TSG101: variants seen among roughly 807,000 people sequenced by gnomAD.
TSG101 encodes the protein tumor susceptibility 101, also known as tumor susceptibility gene 101 protein.
In TSG101, 19 loss-of-function variants were observed where a neutral mutation model predicts 48.5. That is an observed-to-expected ratio of 0.39 (90% CI 0.27 to 0.58). The LOEUF is 0.58. Ranked by LOEUF, TSG101 falls within the 20% of genes least tolerant of loss-of-function variation. The pLI, the probability that TSG101 is intolerant of heterozygous loss-of-function variation, is 0.55. For synonymous variants in TSG101, 174 were observed against 169.4 expected (o/e 1.03, Z -0.21); for missense variants, 365 against 484.4 (o/e 0.75, Z 2.31).
intron 6 of TSG101, among the ~76,000 whole-genome samples, chr11:18,504,435 A>T (rs1171218757): frequency 6.6e-6 from 1 of 152,158 alleles, no homozygotes; most frequent in African/African-American, 2.4e-5. Flanking sequence ...GACAAAAAAA[A>T]AAGAAAGCAT....
chr11:18,506,912 G>C lies in TSG101; in HGVS notation c.493C>G (p.Pro165Ala), dbSNP rs1297423960. Residue 165 changes from proline (P) to alanine (A), a missense_variant, in exon 6 of 10, where the codon CCA becomes GCA. Physicochemically the swap from Pro to Ala is conservative, Grantham distance 27. Coordinates refer to ENST00000251968, the MANE Select transcript of TSG101 (RefSeq NM_006292.4). The stretch of plus-strand genomic sequence containing the variant: ...GGAGAGATTCCACCTGGCATGCCTG[G>C]CATGTAGGAAGCTAAAAACAATTTT... ...ATGPPNTSYM[P>A]GMPGGISPYP... 6.2e-7 allele frequency: 1 copy of C among 1,606,496 alleles called. No homozygotes were observed. Among genetic ancestry groups the C allele is most frequent in the East Asian group, 2.2e-5 (1 of 44,788 alleles).
rs191533868 is a variant in TSG101 at position 18,519,401 on chromosome 11, C to T, written c.127+118G>A. ...GCTACCCTCCAACAGTTTTATTAGG[C>T]GGTGGTGCAATCCCACAATTGAAAA... On this transcript the variant is annotated intron_variant, in intron 2 of 9. Transcript: ENST00000251968. 4.6e-4 allele frequency: 339 copies of T among 743,774 alleles called. 1 individual carries two copies. The African/African-American group carries it at 4.7e-3, about 10-fold the overall frequency. 46.1% of individuals were successfully genotyped at this position (743,774 alleles called of 1,614,324 possible).
chr11:18,526,530 G>T (rs1850377348), intron 1 of TSG101, among the ~76,000 whole-genome samples: 1 of 152,264 alleles, frequency 6.6e-6, no homozygotes, highest in Non-Finnish European at 1.5e-5. Context: ...GGCGGCAGGT[G>T]TCAGGTAGCC....
chr11:18,503,606 T>A lies in TSG101; in HGVS notation c.549-1029A>T, dbSNP rs991616611. Among the ~76,000 whole-genome samples the A allele has an allele frequency of 3.3e-5, 5 of 152,180 alleles. No homozygotes were observed. The East Asian group carries it at 9.7e-4, about 29-fold the overall frequency. ...CCAGGATGGTCTCAATCTCCTGACC[T>A]CGTGATTCACCCGCCTCAGCCTCCC... On this transcript the variant is annotated intron_variant, in intron 6 of 9. Coordinates refer to ENST00000251968, the MANE Select transcript of TSG101 (RefSeq NM_006292.4).
intron 1 of TSG101, among the ~76,000 whole-genome samples, chr11:18,521,670 CTT>C (rs869176661): frequency 0.026 from 1,701 of 66,450 alleles, 15 homozygotes; most frequent in East Asian, 0.14. Flanking sequence ...TGGCCCCTTC[CTT>C]TTTTTTTTTT....
rs1373529767 is a variant in TSG101 at position 18,514,748 on chromosome 11, G to A, written c.287C>T (p.Thr96Ile). Residue 96 changes from threonine to isoleucine, a missense_variant, in exon 4 of 10, where the codon ACT becomes ATT. Coordinates refer to ENST00000251968, the MANE Select transcript of TSG101 (RefSeq NM_006292.4). Reference protein sequence around the residue: ...ICFVKPTSSMTIKTGKHVDAN... With the variant: ...ICFVKPTSSMIIKTGKHVDAN... ...ATCAACATGCTTTCCTGTTTTAATAGTCATTGAACTAGTAGGCTTAACAAA... is the reference window on the plus strand; with the variant it reads ...ATCAACATGCTTTCCTGTTTTAATAATCATTGAACTAGTAGGCTTAACAAA... The A allele has an allele frequency of 1.3e-6, 2 of 1,596,308 alleles. No individual in the cohort carries two copies. The highest frequency in any genetic ancestry group is 1.7e-6 in the Non-Finnish European group (2 of 1,174,126).
intron 7 of TSG101, among the ~76,000 whole-genome samples, chr11:18,490,024 A>C (rs1450868788): frequency 6.6e-5 from 10 of 152,244 alleles, no homozygotes; most frequent in Non-Finnish European, 1.5e-4. Flanking sequence ...GTCAATGTTA[A>C]TCAAAATCAA....
intron 7 of TSG101, among the ~76,000 whole-genome samples, chr11:18,500,206 T>C (rs1220312579): frequency 6.6e-6 from 1 of 152,238 alleles, no homozygotes. Context: ...ACATACCTCA[T>C]TGTCTTTATC....
intron 4 of TSG101, among the ~76,000 whole-genome samples, chr11:18,514,285 G>A (rs1850134555): frequency 6.6e-6 from 1 of 152,036 alleles, no homozygotes; most frequent in African/African-American, 2.4e-5. Flanking sequence ...ACATTAATCT[G>A]TCACAGTTAC....
chr11:18,506,735 G>C lies in TSG101; in HGVS notation c.548+122C>G, dbSNP rs1053407793. 7 of 700,612 alleles carry C rather than the reference G, an allele frequency of 1.0e-5. No homozygotes were observed. The African/African-American group carries it at 1.3e-4, about 13-fold the overall frequency. The allele number at this position is 700,612 out of a possible 1,614,324, so 43.4% of individuals were successfully genotyped here. On this transcript the variant is annotated intron_variant, in intron 6 of 9. Coordinates refer to ENST00000251968, the MANE Select transcript of TSG101 (RefSeq NM_006292.4). ...TAAATAAATTCCAGGAATAAACCAA[G>C]TTTTATCTTCCACTAAATTGCAATT...
intron 7 of TSG101, among the ~76,000 whole-genome samples, chr11:18,495,885 C>G (rs991217220): frequency 1.3e-5 from 2 of 150,602 alleles, no homozygotes; most frequent in African/African-American, 4.9e-5. Flanking sequence ...GATTGCATCA[C>G]TGCACTCCAG....
At chr11:18,521,646 T>A (rs1375293434) in intron 1 of TSG101, among the ~76,000 whole-genome samples, 1 of 150,328 alleles carries the variant, frequency 6.7e-6, no homozygotes, top group Non-Finnish European at 1.5e-5. Flanking sequence ...ATTACAGGTA[T>A]GAACCACTGC....
chr11:18,503,057 A>G (rs1381963999), intron 6 of TSG101, among the ~76,000 whole-genome samples: 1 of 152,210 alleles, frequency 6.6e-6, no homozygotes, highest in African/African-American at 2.4e-5. Context: ...TAGTTTAAAA[A>G]AAAACCTTTT....
intron 7 of TSG101, among the ~76,000 whole-genome samples, chr11:18,488,415 A>G (rs1849651182): frequency 6.6e-6 from 1 of 152,188 alleles, no homozygotes; most frequent in African/African-American, 2.4e-5. Context: ...TGTCCACACA[A>G]CTTCCCTGAA....
chr11:18,518,764 T>C (rs1844950398), intron 2 of TSG101, among the ~76,000 whole-genome samples: 1 of 151,964 alleles, frequency 6.6e-6, no homozygotes, highest in South Asian at 2.1e-4. Flanking sequence ...TACAATATAT[T>C]CTTGCTCGTC....
chr11:18,481,037 G>A (rs182719830), intron 9 of TSG101, among the ~76,000 whole-genome samples: 18 of 152,250 alleles, frequency 1.2e-4, no homozygotes, highest in Admixed American at 9.8e-4. Flanking sequence ...GACCTGACCA[G>A]GCTCCAGCTA....
intron 4 of TSG101, among the ~76,000 whole-genome samples, chr11:18,512,969 C>T (rs1368139650): frequency 6.6e-6 from 1 of 151,992 alleles, no homozygotes; most frequent in Non-Finnish European, 1.5e-5. Context: ...CTCAAGTGAT[C>T]CTCCCGCCTC....
At chr11:18,512,446 T>A (rs1377611463) in intron 4 of TSG101, among the ~76,000 whole-genome samples, 1 of 152,172 alleles carries the variant, frequency 6.6e-6, no homozygotes, top group Admixed American at 6.5e-5. Flanking sequence ...TCCTCTATTT[T>A]CTTGAATGCA....
intron 7 of TSG101, among the ~76,000 whole-genome samples, chr11:18,488,776 CAGA>C (rs1849657761): frequency 6.6e-6 from 1 of 152,006 alleles, no homozygotes; most frequent in African/African-American, 2.4e-5. Context: ...AGGAAGGAAG[CAGA>C]AGGACAGAAA....
Sources: allele counts gnomAD v4.1 joint callset (sites outside exome capture counted in the v4.1 genomes callset), GRCh38; gene constraint gnomAD v4.1.1; transcripts MANE v1.5; gene names NCBI Gene and HGNC (gene_info 2026-07-23, HGNC 2026-07-21).